The following CNTNAP2 variants were observed in gnomAD, a reference collection of about 807,000 sequenced individuals.
CNTNAP2 encodes the protein contactin associated protein 2, also known as contactin-associated protein-like 2.
In CNTNAP2, 98 loss-of-function variants were observed where a neutral mutation model predicts 155.2. The observed-to-expected ratio is 0.63, with a 90% CI of 0.54 to 0.75. The LOEUF is 0.75. Among genes scored for constraint, CNTNAP2 ranks in the 30% least tolerant of loss-of-function variants. The pLI, the probability that CNTNAP2 is intolerant of heterozygous loss-of-function variation, is 0.00. For missense variants in CNTNAP2, 1,727 were observed against 1,688.1 expected (o/e 1.02, Z -0.40); for synonymous variants, 651 against 631.2 (o/e 1.03, Z -0.47).
At chr7:146,616,969 C>T (rs868600467) in intron 1 of CNTNAP2, among the ~76,000 whole-genome samples, 1 of 152,060 alleles carries the variant, frequency 6.6e-6, no homozygotes, top group African/African-American at 2.4e-5. Context: ...GTTATAATTA[C>T]GTGATTGGAT....
intron 1 of CNTNAP2, among the ~76,000 whole-genome samples, chr7:146,568,393 C>A (rs865951191): frequency 5.9e-5 from 9 of 152,132 alleles, no homozygotes; most frequent in South Asian, 2.1e-4. Context: ...ACATTTTAGT[C>A]CACCTATTTT....
intron 18 of CNTNAP2, among the ~76,000 whole-genome samples, chr7:148,203,012 C>G (rs1795391588): frequency 6.6e-6 from 1 of 152,054 alleles, no homozygotes; most frequent in Non-Finnish European, 1.5e-5. Flanking sequence ...AAATCATAAT[C>G]CTTCAGTTGT....
chr7:148,274,596 C>T (rs1454951649), intron 21 of CNTNAP2, among the ~76,000 whole-genome samples: 4 of 152,342 alleles, frequency 2.6e-5, no homozygotes, highest in Admixed American at 1.3e-4. Context: ...CCCCAACACT[C>T]TTCCTCTGGA....
intron 15 of CNTNAP2, among the ~76,000 whole-genome samples, chr7:148,105,670 C>T (rs1226984545): frequency 6.6e-6 from 1 of 152,066 alleles, no homozygotes; most frequent in Non-Finnish European, 1.5e-5. Flanking sequence ...TCACCACAAC[C>T]TCCACCTCCC....
At chr7:146,884,591 G>GGTCC (rs1262625129) in intron 3 of CNTNAP2, among the ~76,000 whole-genome samples, 5 of 152,032 alleles carry the variant, frequency 3.3e-5, no homozygotes, top group Non-Finnish European at 5.9e-5. Flanking sequence ...AGGTAGATGA[G>GGTCC]GTCCCATACA....
chr7:147,400,096 C>T (rs1796885876), intron 10 of CNTNAP2, among the ~76,000 whole-genome samples: 1 of 152,176 alleles, frequency 6.6e-6, no homozygotes, highest in Non-Finnish European at 1.5e-5. Flanking sequence ...CTCTTATTCT[C>T]AATCTTTTTC....
intron 9 of CNTNAP2, among the ~76,000 whole-genome samples, chr7:147,319,759 A>T (rs183243591): frequency 6.6e-6 from 1 of 152,308 alleles, no homozygotes; most frequent in Non-Finnish European, 1.5e-5. Context: ...GAGGGAAAAA[A>T]TCCAAATTAT....
chr7:146,775,597 A>C (rs1435768297), intron 2 of CNTNAP2, among the ~76,000 whole-genome samples: 2 of 151,574 alleles, frequency 1.3e-5, no homozygotes, highest in South Asian at 4.2e-4. Context: ...GGAGAGAGGA[A>C]GGAAGAAAGG....
chr7:146,541,847 C>A (rs1797957804), intron 1 of CNTNAP2, among the ~76,000 whole-genome samples: 1 of 152,032 alleles, frequency 6.6e-6, no homozygotes, highest in Non-Finnish European at 1.5e-5. Flanking sequence ...ATTTGCCCTG[C>A]CTTGCATGTA....
Position 147,395,967 on chromosome 7 carries a change from GGAT to G in CNTNAP2, c.1670+188_1670+190del, listed in dbSNP as rs1307635498. Among the ~76,000 whole-genome samples, 3 of 149,122 alleles carry G rather than the reference GGAT, an allele frequency of 2.0e-5. No homozygotes were observed. The Admixed American group carries it at 2.0e-4, about 10-fold the overall frequency. The stretch of plus-strand genomic sequence containing the variant: ...AGTGATTATGTTTATGTTTTTATGT[GGAT>G]ATATATATCATATATCTATCATGTA... On this transcript the variant is annotated intron_variant, in intron 10 of 23. Transcript: ENST00000361727.
At chr7:146,961,050 A>G (rs1233372165) in intron 3 of CNTNAP2, among the ~76,000 whole-genome samples, 1 of 152,224 alleles carries the variant, frequency 6.6e-6, no homozygotes, top group East Asian at 1.9e-4. Context: ...CTATTATTTT[A>G]GACAATTACA....
chr7:147,270,068 A>C (rs1285534727), intron 8 of CNTNAP2, among the ~76,000 whole-genome samples: 1 of 152,174 alleles, frequency 6.6e-6, no homozygotes, highest in African/African-American at 2.4e-5. Context: ...TCACTTAAAA[A>C]AAAATTAAAA....
chr7:146,525,782 G>A (rs1797682545), intron 1 of CNTNAP2, among the ~76,000 whole-genome samples: 1 of 152,144 alleles, frequency 6.6e-6, no homozygotes, highest in Non-Finnish European at 1.5e-5. Context: ...CGGCACTACT[G>A]GTTGTAGTCT....
rs565159009 is a variant in CNTNAP2 at position 147,861,754 on chromosome 7, G to T, written c.2099-41811G>T. ...GACATTACCAAGTGTGGTGGCTCAT[G>T]GCTGTAATCCCAGCACTTTGGGAGG... On this transcript the variant is annotated intron_variant, in intron 13 of 23. Coordinates refer to ENST00000361727, the MANE Select transcript of CNTNAP2 (RefSeq NM_014141.6). Among the ~76,000 whole-genome samples, 155 of 152,218 alleles carry T rather than the reference G, an allele frequency of 1.0e-3. 1 individual carries two copies. Among genetic ancestry groups the T allele is most frequent in the African/African-American group, 3.7e-3 (152 of 41,540 alleles).
At chr7:147,796,124 A>C (rs1303008204) in intron 13 of CNTNAP2, among the ~76,000 whole-genome samples, 1 of 152,198 alleles carries the variant, frequency 6.6e-6, no homozygotes, top group East Asian at 1.9e-4. Context: ...AGTGATTACA[A>C]ATATAAGCTA....
chr7:148,129,189 G>T (rs1056705853), intron 16 of CNTNAP2, among the ~76,000 whole-genome samples: 1 of 152,110 alleles, frequency 6.6e-6, no homozygotes, highest in Non-Finnish European at 1.5e-5. Context: ...TAGAGATCTG[G>T]TGTCCTTAGA....
At chr7:148,346,504 G>T (rs1169464249) in intron 21 of CNTNAP2, among the ~76,000 whole-genome samples, 1 of 152,198 alleles carries the variant, frequency 6.6e-6, no homozygotes, top group Non-Finnish European at 1.5e-5. Context: ...GGGTGCGGTG[G>T]CTCATGCCTT....
chr7:146,429,332 C>T (rs1796139070), intron 1 of CNTNAP2, among the ~76,000 whole-genome samples: 1 of 152,034 alleles, frequency 6.6e-6, no homozygotes, highest in South Asian at 2.1e-4. Flanking sequence ...GCAGTATGGA[C>T]ATTTTCATAT....
intron 3 of CNTNAP2, among the ~76,000 whole-genome samples, chr7:146,971,802 C>T (rs1255805793): frequency 1.3e-5 from 2 of 152,076 alleles, no homozygotes; most frequent in African/African-American, 4.8e-5. Context: ...CTGCTAATAC[C>T]CCCACCTGCT....
Sources: allele counts gnomAD v4.1 joint callset (sites outside exome capture counted in the v4.1 genomes callset), GRCh38; gene constraint gnomAD v4.1.1; transcripts MANE v1.5; gene names NCBI Gene and HGNC (gene_info 2026-07-23, HGNC 2026-07-21).